PIK3C2A: variants seen among roughly 807,000 people sequenced by gnomAD.
PIK3C2A encodes phosphatidylinositol 4-phosphate 3-kinase C2 domain-containing subunit alpha.
In PIK3C2A, 97 loss-of-function variants were observed where a neutral mutation model predicts 204.5. That is an observed-to-expected ratio of 0.47 (90% confidence interval 0.40 to 0.56). The LOEUF is 0.56. PIK3C2A is among the 20% of genes least tolerant of loss of function. The pLI, the probability that PIK3C2A is intolerant of heterozygous loss-of-function variation, is 0.00. For synonymous variants in PIK3C2A, 653 were observed against 664.4 expected (o/e 0.98, Z 0.26); for missense variants, 1,735 against 1,969.2 (o/e 0.88, Z 2.25).
intron 2 of PIK3C2A, among the ~76,000 whole-genome samples, chr11:17,166,989 G>C (rs186831515): frequency 1.3e-5 from 2 of 151,434 alleles, no homozygotes; most frequent in Admixed American, 6.6e-5. Context: ...CTTTTTTTTT[G>C]AGATAGAGTC....
At chr11:17,091,263 C>G in intron 32 of PIK3C2A, 71 bp downstream of exon 32, 1 of 1,384,106 alleles carries the variant, frequency 7.2e-7, no homozygotes, top group Non-Finnish European at 1.0e-6. Context: ...TGCTTACGCA[C>G]GTCAGAACTT....
At chr11:17,184,004 C>T (rs1851659027) in intron 1 of PIK3C2A, among the ~76,000 whole-genome samples, 1 of 151,138 alleles carries the variant, frequency 6.6e-6, no homozygotes, top group African/African-American at 2.4e-5. Flanking sequence ...CACTCAATTT[C>T]AGCTCTTTGG....
intron 8 of PIK3C2A, among the ~76,000 whole-genome samples, chr11:17,138,510 G>A (rs761947683): frequency 6.6e-6 from 1 of 152,136 alleles, no homozygotes; most frequent in African/African-American, 2.4e-5. Context: ...CTAAATTTCA[G>A]TCTAAGGTTC....
At chr11:17,107,761 A>C (rs755050939) in intron 22 of PIK3C2A, among the ~76,000 whole-genome samples, 36 of 152,254 alleles carry the variant, frequency 2.4e-4, no homozygotes, top group Non-Finnish European at 2.9e-4. Context: ...GGATTGGAGG[A>C]AACAGAAGTT....
At chr11:17,202,805 A>G (rs1010295930) in intron 1 of PIK3C2A, among the ~76,000 whole-genome samples, 1 of 152,246 alleles carries the variant, frequency 6.6e-6, no homozygotes, top group African/African-American at 2.4e-5. Context: ...AGTCATAGCT[A>G]TCTTGTCTAA....
intron 19 of PIK3C2A, among the ~76,000 whole-genome samples, chr11:17,117,288 GA>G (rs1339410052): frequency 6.6e-6 from 1 of 152,074 alleles, no homozygotes. Context: ...ATAAGCATGG[GA>G]AAATCACTGA....
chr11:17,165,798 A>G (rs28756231), intron 2 of PIK3C2A, among the ~76,000 whole-genome samples: 16,164 of 148,398 alleles, frequency 0.11, 1,335 homozygotes, highest in Middle Eastern at 0.23. Context: ...AAAAAAAAAA[A>G]AAAAAAAAAA....
At chr11:17,096,695 C>T (rs1254062338) in intron 27 of PIK3C2A, among the ~76,000 whole-genome samples, 2 of 152,074 alleles carry the variant, frequency 1.3e-5, no homozygotes, top group South Asian at 2.1e-4. Flanking sequence ...ACTACAGTCT[C>T]GAAGAGGAAA....
chr11:17,127,509 A>C (rs1247409621), intron 13 of PIK3C2A, among the ~76,000 whole-genome samples: 5 of 152,062 alleles, frequency 3.3e-5, no homozygotes, highest in African/African-American at 1.2e-4. Flanking sequence ...GGGTTTCACC[A>C]TGTTGGCCAG....
At chr11:17,156,181 T>A (rs1850584680) in intron 2 of PIK3C2A, among the ~76,000 whole-genome samples, 1 of 152,140 alleles carries the variant, frequency 6.6e-6, no homozygotes. Context: ...GGAGATCAAT[T>A]CACCACCCAA....
intron 11 of PIK3C2A, among the ~76,000 whole-genome samples, chr11:17,133,918 A>C (rs544236414): frequency 6.6e-6 from 1 of 151,476 alleles, no homozygotes; most frequent in African/African-American, 2.4e-5. Context: ...ACAATGCAAG[A>C]CTCCATCTCA....
In PIK3C2A at chr11:17,168,922, C is replaced by CTAAGGCTTA; in HGVS notation, c.819_820insTAAGCCTTA (p.Leu273_Asp274insTer). ...TCCACCTTAGGCTTACTTAGAGGAT[C>CTAAGGCTTA]CAAGTCTAACCAGTCAAATTTACTG... is the stretch of plus-strand genomic sequence containing the variant. On this transcript the variant is annotated stop_gained and inframe_insertion, in exon 2 of 33. Coordinates refer to ENST00000691414, the MANE Select transcript of PIK3C2A (RefSeq NM_002645.4). LOFTEE classifies it high-confidence loss of function. 6.2e-7 allele frequency: 1 copy of CTAAGGCTTA among 1,614,072 alleles called. No individual in the cohort carries two copies. The highest frequency in any genetic ancestry group is 8.5e-7 in the Non-Finnish European group (1 of 1,179,952).
intron 18 of PIK3C2A, 135 bp from the exon 19 acceptor site, chr11:17,117,806 C>G (rs530385916): frequency 1.9e-6 from 1 of 524,924 alleles, no homozygotes; most frequent in Non-Finnish European, 3.3e-6. Flanking sequence ...CTCTGCCTCC[C>G]GGGTTCACGC....
Position 17,148,887 on chromosome 11 carries a change from T to C in PIK3C2A, c.1328-100A>G, listed in dbSNP as rs371167163. ...ACAGCAGTATACAATAGAAATATAA[T>C]GTAGTCCACAAATGTAGGCCACATA... On this transcript the variant is annotated intron_variant, in intron 4 of 32. Coordinates refer to ENST00000691414, the MANE Select transcript of PIK3C2A (RefSeq NM_002645.4). 1.3e-5 allele frequency: 12 copies of C among 909,566 alleles called. No individual in the cohort carries two copies. The East Asian group carries it at 3.2e-4, about 24-fold the overall frequency. The allele number at this position is 909,566 out of a possible 1,614,324, so 56.3% of individuals were successfully genotyped here.
intron 23 of PIK3C2A, among the ~76,000 whole-genome samples, chr11:17,103,539 T>C (rs1228648786): frequency 7.9e-5 from 12 of 152,172 alleles, no homozygotes; most frequent in Admixed American, 7.9e-4. Context: ...TCCCCAGAAA[T>C]CATTACCAAT....
At chr11:17,122,039 A>G (rs1849382505) in intron 15 of PIK3C2A, 149 bp downstream of exon 15, 1 of 495,254 alleles carries the variant, frequency 2.0e-6, no homozygotes, top group Non-Finnish European at 3.5e-6. Flanking sequence ...AAAAAAAAAA[A>G]AAAGGAAAAA....
At chr11:17,172,998 C>CT (rs1851227615) in intron 1 of PIK3C2A, among the ~76,000 whole-genome samples, 1 of 152,176 alleles carries the variant, frequency 6.6e-6, no homozygotes, top group East Asian at 1.9e-4. Flanking sequence ...AGAATCTTTT[C>CT]TTTACACATT....
At chr11:17,093,348 G>C (rs544729914) in intron 28 of PIK3C2A, among the ~76,000 whole-genome samples, 2 of 152,158 alleles carry the variant, frequency 1.3e-5, no homozygotes, top group South Asian at 4.1e-4. Context: ...CTCACTGCAA[G>C]CTCCACCTTC....
At chr11:17,134,650 C>T (rs17847717) in intron 11 of PIK3C2A, among the ~76,000 whole-genome samples, 169 bp downstream of exon 11, 2 of 152,144 alleles carry the variant, frequency 1.3e-5, no homozygotes, top group Non-Finnish European at 2.9e-5. Context: ...CATGAGCCAC[C>T]GTGCCTGACT....
Sources: gnomAD v4.1 joint callset for allele counts (sites outside exome capture counted in the v4.1 genomes callset) on GRCh38, gnomAD v4.1.1 for gene constraint, MANE v1.5 for transcripts, NCBI Gene and HGNC (gene_info 2026-07-23, HGNC 2026-07-21) for gene names.